The following GOLM2 variants were observed in gnomAD, a reference collection of about 807,000 sequenced individuals.
GOLM2 encodes the protein golgi membrane protein 2, also known as protein GOLM2.
A neutral mutation model predicts 55.9 loss-of-function variants in GOLM2; 26 were observed. The ratio of observed to expected loss-of-function variants is 0.47; its 90% CI spans 0.34 to 0.65. GOLM2 has a LOEUF of 0.65. Among genes scored for constraint, GOLM2 ranks in the 30% least tolerant of loss-of-function variants. GOLM2 has a pLI of 0.01. For synonymous variants in GOLM2, 165 were observed against 194.6 expected, an observed-to-expected ratio of 0.85 and a Z score of 1.27; for missense variants, 486 against 531.8, an observed-to-expected ratio of 0.91 and a Z score of 0.85.
intron 1 of GOLM2, among the ~76,000 whole-genome samples, chr15:44,321,467 C>CA (rs35260808): frequency 0.035 from 1,134 of 32,048 alleles, 16 homozygotes; most frequent in Non-Finnish European, 0.066. Flanking sequence ...GAACATGTCT[C>CA]AAAAAAAAAA....
At chr15:44,391,390 G>A (rs920260082) in intron 8 of GOLM2, among the ~76,000 whole-genome samples, 14 of 151,824 alleles carry the variant, frequency 9.2e-5, no homozygotes, top group Admixed American at 1.3e-4. Flanking sequence ...GGTGGCGGGC[G>A]CCTGTAGTCC....
chr15:44,380,711 G>T, intron 7 of GOLM2, 95 bp from the exon 8 acceptor site: 62 of 705,594 alleles, frequency 8.8e-5, no homozygotes, highest in Middle Eastern at 1.0e-3. Flanking sequence ...TTAAACAATA[G>T]TGTGTCTTAG....
chr15:44,410,903 C>CAAAAA (rs35934853), intron 9 of GOLM2, among the ~76,000 whole-genome samples: 3 of 56,312 alleles, frequency 5.3e-5, no homozygotes, highest in Non-Finnish European at 1.0e-4. Context: ...GACCCTGTAT[C>CAAAAA]AAAAAAAAAA....
intron 8 of GOLM2, among the ~76,000 whole-genome samples, chr15:44,392,341 G>T (rs528378345): frequency 3.3e-5 from 5 of 152,042 alleles, no homozygotes; most frequent in African/African-American, 1.2e-4. Context: ...TCCTAAACAA[G>T]GCCAGGCACG....
intron 6 of GOLM2, among the ~76,000 whole-genome samples, chr15:44,359,360 G>A (rs1253791013): frequency 6.6e-6 from 1 of 151,920 alleles, no homozygotes; most frequent in Non-Finnish European, 1.5e-5. Context: ...GGCTGAGGTG[G>A]GCGGATCACG....
intron 6 of GOLM2, among the ~76,000 whole-genome samples, chr15:44,368,815 C>T (rs776953327): frequency 1.0e-4 from 15 of 150,392 alleles, no homozygotes; most frequent in Non-Finnish European, 1.5e-4. Flanking sequence ...ATCACCTCTC[C>T]GTTTGTTTCT....
intron 6 of GOLM2, among the ~76,000 whole-genome samples, chr15:44,374,449 G>T (rs2079350929): frequency 6.6e-6 from 1 of 151,922 alleles, no homozygotes; most frequent in South Asian, 2.1e-4. Context: ...AAGAGTTCAA[G>T]ACCAGCCTGG....
intron 6 of GOLM2, among the ~76,000 whole-genome samples, chr15:44,344,735 C>T (rs1365025956): frequency 6.6e-6 from 1 of 151,746 alleles, no homozygotes; most frequent in African/African-American, 2.4e-5. Context: ...CGATTACAGG[C>T]TTGTGCCACC....
chr15:44,319,839 T>G lies in GOLM2; in HGVS notation c.328-3126T>G, dbSNP rs761838933. Among the ~76,000 whole-genome samples, 7 of 152,352 alleles carry G rather than the reference T, an allele frequency of 4.6e-5. No individual in the cohort carries two copies. The South Asian group carries it at 1.4e-3, about 32-fold the overall frequency. On this transcript the variant is annotated intron_variant, in intron 1 of 9. Coordinates refer to ENST00000299957, the MANE Select transcript of GOLM2 (RefSeq NM_138423.4). The stretch of plus-strand genomic sequence containing the variant: ...CCTGGCCTCAGGTGATCTGCCTGCC[T>G]CAGCCTCCCAAAGTGTTGGGATTAC...
At chr15:44,295,556 C>CA (rs1383767320) in intron 1 of GOLM2, among the ~76,000 whole-genome samples, 9 of 152,182 alleles carry the variant, frequency 5.9e-5, no homozygotes, top group Non-Finnish European at 1.3e-4. Context: ...AACAAAATGC[C>CA]ACAGACTAGG....
chr15:44,318,665 G>C (rs1022789916), intron 1 of GOLM2, among the ~76,000 whole-genome samples: 2 of 151,180 alleles, frequency 1.3e-5, no homozygotes, highest in Non-Finnish European at 2.9e-5. Flanking sequence ...GCAGAGATTG[G>C]GTCGCTGCAC....
chr15:44,292,227 T>G (rs983986064), intron 1 of GOLM2, among the ~76,000 whole-genome samples: 2 of 149,560 alleles, frequency 1.3e-5, no homozygotes, highest in Admixed American at 1.3e-4. Flanking sequence ...AGACAGAGTC[T>G]CGCTCGGTTA....
chr15:44,321,923 A>T (rs146658767), intron 1 of GOLM2, among the ~76,000 whole-genome samples: 120 of 152,142 alleles, frequency 7.9e-4, no homozygotes, highest in African/African-American at 2.6e-3. Flanking sequence ...ACTGGGTATT[A>T]TGATACATAC....
At chr15:44,397,007 C>T (rs1488688930) in intron 8 of GOLM2, among the ~76,000 whole-genome samples, 3 of 151,956 alleles carry the variant, frequency 2.0e-5, no homozygotes, top group East Asian at 1.9e-4. Flanking sequence ...TATTCAAGCG[C>T]ACAATTGAAT....
At chr15:44,367,039 A>T (rs1309786202) in intron 6 of GOLM2, among the ~76,000 whole-genome samples, 3 of 152,140 alleles carry the variant, frequency 2.0e-5, no homozygotes, top group Admixed American at 2.0e-4. Flanking sequence ...TTTTTCTTAG[A>T]TATCTTATAA....
intron 8 of GOLM2, among the ~76,000 whole-genome samples, chr15:44,400,103 A>G (rs2079554720): frequency 6.6e-6 from 1 of 152,132 alleles, no homozygotes; most frequent in Non-Finnish European, 1.5e-5. Flanking sequence ...CTTGATTTAT[A>G]ATTAGGAGAC....
chr15:44,321,231 G>T (rs941847272), intron 1 of GOLM2, among the ~76,000 whole-genome samples: 11 of 152,166 alleles, frequency 7.2e-5, no homozygotes, highest in Middle Eastern at 3.4e-3. Context: ...CAGCACTTTG[G>T]GAGACCAAGG....
At chr15:44,387,816 A>T (rs553213801) in intron 8 of GOLM2, among the ~76,000 whole-genome samples, 2 of 151,660 alleles carry the variant, frequency 1.3e-5, no homozygotes, top group South Asian at 4.2e-4. Context: ...ATCTTGTATC[A>T]TGCAGCTTTA....
At chr15:44,313,868 A>T (rs187249414) in intron 1 of GOLM2, among the ~76,000 whole-genome samples, 1 of 152,302 alleles carries the variant, frequency 6.6e-6, no homozygotes, top group Admixed American at 6.5e-5. Flanking sequence ...AATAAGATGA[A>T]TGAGTGAATG....
Sources: allele counts gnomAD v4.1 joint callset (sites outside exome capture counted in the v4.1 genomes callset), GRCh38; gene constraint gnomAD v4.1.1; transcripts MANE v1.5; gene names NCBI Gene and HGNC (gene_info 2026-07-23, HGNC 2026-07-21).